The following PIK3CA variants were observed in gnomAD, a reference collection of about 807,000 sequenced individuals.
PIK3CA encodes phosphatidylinositol 4,5-bisphosphate 3-kinase catalytic subunit alpha isoform.
In PIK3CA, 27 loss-of-function variants were observed where a neutral mutation model predicts 138.2. The ratio of observed to expected loss-of-function variants is 0.20; its 90% CI spans 0.14 to 0.27. PIK3CA has a LOEUF of 0.27. Among genes scored for constraint, PIK3CA ranks in the 10% least tolerant of loss-of-function variants. The pLI is 1.00. For synonymous variants in PIK3CA, 358 were observed against 413.2 expected (o/e 0.87, Z 1.62); for missense variants, 544 against 1,277.4 (o/e 0.43, Z 8.75).
intron 1 of PIK3CA, among the ~76,000 whole-genome samples, chr3:179,169,953 G>T (rs1311733249): frequency 1.3e-5 from 2 of 152,150 alleles, no homozygotes; most frequent in African/African-American, 4.8e-5. Context: ...GAAATACAAA[G>T]GTCATTTTAA....
intron 1 of PIK3CA, among the ~76,000 whole-genome samples, chr3:179,153,678 TTGCTC>T (rs1723065474): frequency 6.6e-6 from 1 of 152,198 alleles, no homozygotes; most frequent in African/African-American, 2.4e-5. Flanking sequence ...ACTCAAAACA[TTGCTC>T]TGCAGAAGTT....
intron 9 of PIK3CA, among the ~76,000 whole-genome samples, 175 bp from the exon 10 acceptor site, chr3:179,218,035 T>G (rs1490234454): frequency 2.0e-5 from 3 of 152,082 alleles, no homozygotes; most frequent in Admixed American, 2.0e-4. Flanking sequence ...CTTAGATTGG[T>G]TCTTTCCTGT....
intron 6 of PIK3CA, among the ~76,000 whole-genome samples, chr3:179,206,086 CTTTTTTT>C (rs751353057): frequency 1.9e-5 from 2 of 105,164 alleles, no homozygotes; most frequent in Non-Finnish European, 3.7e-5. Context: ...ACTTCAGGAT[CTTTTTTT>C]TTTTTTTTTT....
chr3:179,169,557 C>T (rs1290794944), intron 1 of PIK3CA, among the ~76,000 whole-genome samples: 3 of 152,000 alleles, frequency 2.0e-5, no homozygotes, highest in Non-Finnish European at 2.9e-5. Flanking sequence ...CTACCAGGAC[C>T]GTCTATTAAA....
Position 179,239,717 on chromosome 3 carries a change from C to G in PIK3CA, c.*5353C>G, listed in dbSNP as rs1223577666. ...AACACGTCAGATGTTCACCTGGAAG[C>G]TTTATCAAGAAATTCGAACCACCCT... On this transcript the variant is annotated 3_prime_UTR_variant, in exon 21 of 21. Coordinates refer to ENST00000263967, the MANE Select transcript of PIK3CA (RefSeq NM_006218.4). 2.8e-6 allele frequency: 1 copy of G among 354,620 alleles called. No individual in the cohort carries two copies. The highest frequency in any genetic ancestry group is 2.1e-5 in the African/African-American group (1 of 47,438). 22.0% of individuals were successfully genotyped at this position (354,620 alleles called of 1,614,324 possible).
At chr3:179,166,244 C>G (rs1009843924) in intron 1 of PIK3CA, among the ~76,000 whole-genome samples, 5 of 152,156 alleles carry the variant, frequency 3.3e-5, no homozygotes, top group Non-Finnish European at 5.9e-5. Context: ...AGCGTAGGCT[C>G]AAGACTTACA....
In PIK3CA at chr3:179,201,552, GT is replaced by G. The variant is rs1247336088; in HGVS notation, c.813+15del. 1 of 1,504,546 alleles carries G rather than the reference GT, an allele frequency of 6.6e-7. No homozygotes were observed. The highest frequency in any genetic ancestry group is 9.0e-7 in the Non-Finnish European group (1 of 1,108,470). 93.2% of individuals were successfully genotyped at this position (1,504,546 alleles called of 1,614,324 possible). A position where few individuals can be genotyped will look rare whatever the true frequency, so the allele number is the denominator to read the frequency against. ...TGAGTCAGTATAAGGTGAGTAACAA[GT>G]TTCAAAATATTAATTTTTAATTTAA... On this transcript the variant is annotated intron_variant, in intron 4 of 20. Transcript: ENST00000263967.
intron 1 of PIK3CA, among the ~76,000 whole-genome samples, chr3:179,193,532 C>T (rs949909310): frequency 6.6e-6 from 1 of 152,190 alleles, no homozygotes; most frequent in African/African-American, 2.4e-5. Flanking sequence ...CACCAAATTT[C>T]TCAATAATCC....
intron 1 of PIK3CA, among the ~76,000 whole-genome samples, chr3:179,198,226 C>A (rs1724317100): frequency 6.6e-6 from 1 of 151,972 alleles, no homozygotes; most frequent in Non-Finnish European, 1.5e-5. Flanking sequence ...AAAGACTAAG[C>A]CATAAAATTT....
Position 179,220,176 on chromosome 3 carries a change from A to G in PIK3CA, c.2015+124A>G. On this transcript the variant is annotated intron_variant, in intron 13 of 20. Transcript: ENST00000263967. The surrounding 1 kb of genome is among the most constrained non-coding windows in gnomAD (Gnocchi z 4.1). ...TTTGGCTGGAAGAGTTTTCCATACT[A>G]AAAGTATTTTGTACCAGTGATGAGC... 2 of 940,360 alleles carry G rather than the reference A, an allele frequency of 2.1e-6. No homozygotes were observed. Among genetic ancestry groups the G allele is most frequent in the Non-Finnish European group, 2.9e-6 (2 of 678,730 alleles). The allele number at this position is 940,360 out of a possible 1,614,324, so 58.3% of individuals were successfully genotyped here.
intron 1 of PIK3CA, among the ~76,000 whole-genome samples, chr3:179,179,022 C>G (rs1348052619): frequency 4.6e-5 from 7 of 152,190 alleles, no homozygotes; most frequent in Non-Finnish European, 1.0e-4. Flanking sequence ...ATGCTTTAGA[C>G]ACATGGAGCC....
chr3:179,201,914 A>G (rs975911560), intron 4 of PIK3CA, among the ~76,000 whole-genome samples: 3 of 151,314 alleles, frequency 2.0e-5, no homozygotes, highest in Non-Finnish European at 3.0e-5. Context: ...CCAAGTATCT[A>G]TTTTTAGGAT....
At chr3:179,157,368 A>G (rs1222751259) in intron 1 of PIK3CA, among the ~76,000 whole-genome samples, 1 of 152,126 alleles carries the variant, frequency 6.6e-6, no homozygotes, top group South Asian at 2.1e-4. Context: ...AGCAGTTTCT[A>G]TACTTGATAA....
chr3:179,159,743 A>G (rs1268417498), intron 1 of PIK3CA, among the ~76,000 whole-genome samples: 1 of 152,216 alleles, frequency 6.6e-6, no homozygotes, highest in Non-Finnish European at 1.5e-5. Context: ...AGATGATTTC[A>G]TCATTGTGCA....
At chr3:179,204,803 C>T (rs527620367) in intron 6 of PIK3CA, among the ~76,000 whole-genome samples, 4 of 151,110 alleles carry the variant, frequency 2.6e-5, no homozygotes, top group African/African-American at 4.9e-5. Context: ...GGGTGGATCA[C>T]GAAGTCGGAG....
chr3:179,194,674 T>A (rs1483510400), intron 1 of PIK3CA, among the ~76,000 whole-genome samples: 2 of 152,210 alleles, frequency 1.3e-5, no homozygotes, highest in Non-Finnish European at 2.9e-5. Context: ...ACAGCTTGTA[T>A]TGCTAGGAAC....
intron 1 of PIK3CA, among the ~76,000 whole-genome samples, chr3:179,188,621 C>A (rs957865963): frequency 5.9e-5 from 9 of 152,140 alleles, no homozygotes; most frequent in African/African-American, 2.2e-4. Flanking sequence ...TGACTGCCTG[C>A]TGCTGCTTTT....
intron 1 of PIK3CA, among the ~76,000 whole-genome samples, chr3:179,159,177 G>A (rs1723214295): frequency 6.6e-6 from 1 of 152,064 alleles, no homozygotes; most frequent in South Asian, 2.1e-4. Context: ...TATTAAGCAT[G>A]CTTCCAAGCT....
chr3:179,204,070 A>C (rs1320016412), intron 5 of PIK3CA, among the ~76,000 whole-genome samples: 1 of 152,206 alleles, frequency 6.6e-6, no homozygotes, highest in Non-Finnish European at 1.5e-5. Flanking sequence ...ACCTGGGCCA[A>C]CCTTAAGTGA....
Sources: allele counts gnomAD v4.1 joint callset (sites outside exome capture counted in the v4.1 genomes callset), GRCh38; gene constraint gnomAD v4.1.1; non-coding constraint Gnocchi (gnomAD v3.1); transcripts MANE v1.5; gene names NCBI Gene and HGNC (gene_info 2026-07-23, HGNC 2026-07-21).